Variants in NELL1 observed in about 807,000 individuals in gnomAD.
The protein encoded by NELL1 is neural EGFL like 1, also known as protein kinase C-binding protein NELL1.
Under a neutral mutation model 107.4 loss-of-function variants are expected in NELL1, and 76 were observed. That is an observed-to-expected ratio of 0.71 (90% CI 0.59 to 0.86). The LOEUF (loss-of-function observed/expected upper bound fraction) is 0.86, where lower values mean the gene tolerates loss of function less well. NELL1 is among the 40% of genes least tolerant of loss of function. The pLI is 0.00. For missense variants in NELL1, 1,024 were observed against 1,005.5 expected, an observed-to-expected ratio of 1.02 and a Z score of -0.25; for synonymous variants, 353 against 341.2, an observed-to-expected ratio of 1.03 and a Z score of -0.38.
At chr11:21,088,059 CTGTGTGTGTGTG>C (rs56900585) in intron 12 of NELL1, among the ~76,000 whole-genome samples, 68 of 135,992 alleles carry the variant, frequency 5.0e-4, no homozygotes, top group African/African-American at 1.6e-3. Context: ...CCCAGTAGCT[CTGTGTGTGTGTG>C]TGTGTGTGTG....
At chr11:21,402,872 G>A (rs1389448987) in intron 15 of NELL1, among the ~76,000 whole-genome samples, 3 of 151,704 alleles carry the variant, frequency 2.0e-5, no homozygotes, top group African/African-American at 7.3e-5. Context: ...AAGTAGCCCT[G>A]AAACAGAGCT....
chr11:20,925,395 C>T (rs1427978770), intron 7 of NELL1, among the ~76,000 whole-genome samples: 4 of 150,950 alleles, frequency 2.6e-5, no homozygotes, highest in African/African-American at 9.8e-5. Flanking sequence ...ATTCTCATGT[C>T]TCAGCCTCCA....
Position 20,669,844 on chromosome 11 carries a change from G to A in NELL1, c.55+66G>A. The A allele has an allele frequency of 7.4e-7, 1 of 1,358,852 alleles. No homozygotes were observed. Among genetic ancestry groups the A allele is most frequent in the South Asian group, 1.2e-5 (1 of 85,524 alleles). The allele number at this position is 1,358,852 out of a possible 1,614,324, so 84.2% of individuals were successfully genotyped here. On this transcript the variant is annotated intron_variant, in intron 1 of 19. Coordinates refer to ENST00000357134, the MANE Select transcript of NELL1 (RefSeq NM_006157.5). This position sits in a 1 kb window ranked among gnomAD's most constrained non-coding sequence, Gnocchi z 4.4. ...GGGTGCCCACAGACCACGGCGGCGTGGGGAGACCTGGAGCCGAGCTTTGCG... is the reference window on the plus strand; with the variant it reads ...GGGTGCCCACAGACCACGGCGGCGTAGGGAGACCTGGAGCCGAGCTTTGCG...
chr11:20,997,252 C>G (rs1393266459), intron 12 of NELL1, among the ~76,000 whole-genome samples: 1 of 152,078 alleles, frequency 6.6e-6, no homozygotes, highest in Non-Finnish European at 1.5e-5. Context: ...TTTAAGTTTC[C>G]TATCACCATG....
chr11:21,030,835 G>C (rs1419202089), intron 12 of NELL1, among the ~76,000 whole-genome samples: 1 of 151,554 alleles, frequency 6.6e-6, no homozygotes, highest in Non-Finnish European at 1.5e-5. Context: ...TTGATATTTG[G>C]CATATTTCCT....
chr11:21,293,331 A>G (rs1359458040), intron 14 of NELL1, among the ~76,000 whole-genome samples: 1 of 152,214 alleles, frequency 6.6e-6, no homozygotes, highest in Non-Finnish European at 1.5e-5. Context: ...ATATGAAAAA[A>G]ACTCATCATC....
chr11:21,231,734 TTC>T (rs1858055832), intron 14 of NELL1, among the ~76,000 whole-genome samples: 1 of 152,192 alleles, frequency 6.6e-6, no homozygotes. Context: ...TTAAATAATG[TTC>T]CTGATGTCCG....
At chr11:21,233,573 A>G (rs1201924423) in intron 14 of NELL1, among the ~76,000 whole-genome samples, 1 of 152,232 alleles carries the variant, frequency 6.6e-6, no homozygotes, top group Non-Finnish European at 1.5e-5. Context: ...TCACATATTT[A>G]ATAAATAGAC....
intron 3 of NELL1, among the ~76,000 whole-genome samples, chr11:20,786,345 C>T (rs1856955879): frequency 7.4e-6 from 1 of 135,580 alleles, no homozygotes; most frequent in African/African-American, 3.0e-5. Flanking sequence ...AGCAAAACCC[C>T]ATCTCAAAAA....
chr11:21,491,653 T>G (rs546315735), intron 15 of NELL1, among the ~76,000 whole-genome samples: 61 of 152,282 alleles, frequency 4.0e-4, no homozygotes, highest in Admixed American at 6.5e-4. Flanking sequence ...CTTTGTTCTT[T>G]TGGCTTAGGA....
At chr11:21,376,271 G>A (rs1590880539) in intron 15 of NELL1, among the ~76,000 whole-genome samples, 1 of 152,064 alleles carries the variant, frequency 6.6e-6, no homozygotes, top group Non-Finnish European at 1.5e-5. Context: ...CATATGGCTA[G>A]CCAGCTATCT....
At chr11:21,486,941 A>G (rs1854648153) in intron 15 of NELL1, among the ~76,000 whole-genome samples, 1 of 152,166 alleles carries the variant, frequency 6.6e-6, no homozygotes, top group African/African-American at 2.4e-5. Context: ...GGCCTAGAAA[A>G]GAATGAACAA....
intron 15 of NELL1, among the ~76,000 whole-genome samples, chr11:21,386,390 T>TA (rs1174753918): frequency 6.6e-5 from 10 of 151,812 alleles, no homozygotes; most frequent in African/African-American, 1.2e-4. Context: ...CATCTTTTTT[T>TA]AAAAAAACCT....
At chr11:21,572,152 A>G (rs1180555605) in intron 18 of NELL1, among the ~76,000 whole-genome samples, 1 of 151,852 alleles carries the variant, frequency 6.6e-6, no homozygotes, top group African/African-American at 2.4e-5. Flanking sequence ...TGAGACTGGC[A>G]AATTGCATTT....
chr11:20,699,381 G>A (rs1375307251), intron 2 of NELL1, among the ~76,000 whole-genome samples: 1 of 150,602 alleles, frequency 6.6e-6, no homozygotes. Context: ...TTTTTTTTGA[G>A]ATGGAGTCTC....
At chr11:21,341,207 A>C (rs183620222) in intron 14 of NELL1, among the ~76,000 whole-genome samples, 1 of 152,326 alleles carries the variant, frequency 6.6e-6, no homozygotes, top group Admixed American at 6.5e-5. Flanking sequence ...TCGTAAGACC[A>C]CTAGAAATCA....
chr11:20,690,660 G>C, intron 2 of NELL1, among the ~76,000 whole-genome samples: 1 of 151,768 alleles, frequency 6.6e-6, no homozygotes, highest in Non-Finnish European at 1.5e-5. Flanking sequence ...TTTGGTACCA[G>C]TACCATGCTG....
At chr11:21,133,737 G>GT (rs1440328421) in intron 13 of NELL1, among the ~76,000 whole-genome samples, 1 of 151,598 alleles carries the variant, frequency 6.6e-6, no homozygotes, top group Non-Finnish European at 1.5e-5. Context: ...ATGGGGCTTG[G>GT]TGGGGGGGTG....
chr11:21,361,534 T>A (rs572857861), intron 14 of NELL1, among the ~76,000 whole-genome samples: 1 of 152,272 alleles, frequency 6.6e-6, no homozygotes, highest in South Asian at 2.1e-4. Flanking sequence ...TCTAGATCTC[T>A]AGTAAGACCA....
Sources: allele counts gnomAD v4.1 joint callset (sites outside exome capture counted in the v4.1 genomes callset), GRCh38; gene constraint gnomAD v4.1.1; non-coding constraint Gnocchi (gnomAD v3.1); transcripts MANE v1.5; gene names NCBI Gene and HGNC (gene_info 2026-07-23, HGNC 2026-07-21).